Variants in RBMS3 observed in about 807,000 individuals in gnomAD.
The protein encoded by RBMS3 is RNA binding motif single stranded interacting protein 3, also known as RNA-binding motif, single-stranded-interacting protein 3.
A neutral mutation model predicts 66.8 loss-of-function variants in RBMS3; 27 were observed. That is an observed-to-expected ratio of 0.40 (90% confidence interval 0.30 to 0.56). The LOEUF is 0.56. Among genes scored for constraint, RBMS3 ranks in the 20% least tolerant of loss-of-function variants. The probability of loss-of-function intolerance (pLI) is 0.40; values close to 1 mark genes in which losing one functional copy is unlikely to be tolerated. For missense variants in RBMS3, 513 were observed against 549.5 expected, an observed-to-expected ratio of 0.93 and a Z score of 0.66; for synonymous variants, 188 against 183.0, an observed-to-expected ratio of 1.03 and a Z score of -0.22.
In RBMS3 at chr3:29,346,465, G is replaced by A. The variant is rs949670088; in HGVS notation, c.75+64709G>A. Among the ~76,000 whole-genome samples, 32 of 140,880 alleles carry A rather than the reference G, an allele frequency of 2.3e-4. No individual in the cohort carries two copies. The East Asian group carries it at 4.1e-3, about 18-fold the overall frequency. The allele number at this position is 140,880 out of a possible 152,430, so 92.4% of individuals were successfully genotyped here. A position where few individuals can be genotyped will look rare whatever the true frequency, so the allele number is the denominator to read the frequency against. ...GTCGCCCAGGCTGGAATGTAGTGGC[G>A]CGATCTCAGCTCACTGCAACCTCCG... On this transcript the variant is annotated intron_variant, in intron 1 of 14. Coordinates refer to ENST00000383767, the MANE Select transcript of RBMS3 (RefSeq NM_001003793.3).
rs1002984575 is a variant in RBMS3 at position 29,553,005 on chromosome 3, G to C, written c.308-34109G>C. Among the ~76,000 whole-genome samples the C allele has an allele frequency of 2.6e-5, 4 of 152,252 alleles. No homozygotes were observed. In the East Asian group the frequency reaches 5.8e-4, roughly 22 times the overall value. ...TAACTTACTACTCTAATCTCAGTTT[G>C]CAACCTGCGAATAGGCCTGATAGTG... is the stretch of plus-strand genomic sequence containing the variant. On this transcript the variant is annotated intron_variant, in intron 3 of 14. Transcript: ENST00000383767.
intron 1 of RBMS3, among the ~76,000 whole-genome samples, chr3:29,293,716 T>TG (rs1450932410): frequency 6.6e-6 from 1 of 151,660 alleles, no homozygotes; most frequent in Non-Finnish European, 1.5e-5. Context: ...GGCTAATATT[T>TG]TTTTTTTCTT....
chr3:29,721,369 A>T (rs951942166), intron 4 of RBMS3, among the ~76,000 whole-genome samples: 2 of 152,096 alleles, frequency 1.3e-5, no homozygotes, highest in African/African-American at 2.4e-5. Flanking sequence ...AACAACAGAG[A>T]TATAATATTA....
intron 10 of RBMS3, among the ~76,000 whole-genome samples, chr3:29,930,097 T>TTTTCTTTCTTTCTTTC (rs1187712918): frequency 1.3e-5 from 1 of 75,076 alleles, no homozygotes; most frequent in Non-Finnish European, 3.0e-5. Context: ...TTTGTGTCAC[T>TTTTCTTTCTTTCTTTC]TTTCTTTCTT....
chr3:29,471,185 C>T (rs983544203), intron 2 of RBMS3, among the ~76,000 whole-genome samples: 1 of 152,116 alleles, frequency 6.6e-6, no homozygotes, highest in Non-Finnish European at 1.5e-5. Context: ...GGAGTTATAA[C>T]TAATTTACAT....
At chr3:29,335,684 C>T (rs1195436668) in intron 1 of RBMS3, among the ~76,000 whole-genome samples, 1 of 152,186 alleles carries the variant, frequency 6.6e-6, no homozygotes, top group Non-Finnish European at 1.5e-5. Flanking sequence ...TCTGTCACGT[C>T]TGAAGTGTGA....
intron 1 of RBMS3, among the ~76,000 whole-genome samples, chr3:29,321,272 C>A (rs2034993667): frequency 6.6e-6 from 1 of 152,012 alleles, no homozygotes; most frequent in Non-Finnish European, 1.5e-5. Context: ...ATGAAAAAAA[C>A]TAATCATTTT....
chr3:29,634,559 G>C (rs1356419196), intron 4 of RBMS3, among the ~76,000 whole-genome samples: 6 of 151,808 alleles, frequency 4.0e-5, no homozygotes, highest in Non-Finnish European at 7.4e-5. Flanking sequence ...TTTAAGGCAG[G>C]TGTTCTATAC....
intron 2 of RBMS3, among the ~76,000 whole-genome samples, chr3:29,485,958 T>C (rs2043302512): frequency 1.3e-5 from 2 of 152,158 alleles, no homozygotes; most frequent in South Asian, 4.1e-4. Context: ...CCTGAAGGCA[T>C]ACTTTTTTAC....
At chr3:29,981,226 T>C (rs1222051177) in intron 12 of RBMS3, among the ~76,000 whole-genome samples, 1 of 152,216 alleles carries the variant, frequency 6.6e-6, no homozygotes, top group African/African-American at 2.4e-5. Flanking sequence ...ATGATTTGGC[T>C]CTCTGTCTAT....
intron 1 of RBMS3, among the ~76,000 whole-genome samples, chr3:29,356,556 C>G (rs2037233005): frequency 6.6e-6 from 1 of 151,280 alleles, no homozygotes; most frequent in African/African-American, 2.4e-5. Context: ...AATAAGCATT[C>G]ATGATTATCC....
At chr3:29,473,688 G>A (rs552217342) in intron 2 of RBMS3, among the ~76,000 whole-genome samples, 33 of 152,218 alleles carry the variant, frequency 2.2e-4, no homozygotes, top group Non-Finnish European at 4.6e-4. Flanking sequence ...CGAGTGCAGC[G>A]CCAGTGGGCC....
chr3:29,848,421 A>G (rs1293266682), intron 6 of RBMS3, among the ~76,000 whole-genome samples: 2 of 152,312 alleles, frequency 1.3e-5, no homozygotes, highest in East Asian at 1.9e-4. Flanking sequence ...TTATGTATAT[A>G]GTTATGATAT....
At chr3:29,917,354 T>C (rs945306927) in intron 10 of RBMS3, among the ~76,000 whole-genome samples, 1 of 152,092 alleles carries the variant, frequency 6.6e-6, no homozygotes, top group Non-Finnish European at 1.5e-5. Flanking sequence ...GACGCTTAGA[T>C]GTTCCAAAAG....
At chr3:29,992,266 A>AGTAATTGCGGTTTT (rs1577340079) in intron 14 of RBMS3, among the ~76,000 whole-genome samples, 2 of 152,258 alleles carry the variant, frequency 1.3e-5, no homozygotes, top group East Asian at 3.9e-4. Context: ...TTGGTACAAA[A>AGTAATTGCGGTTTT]GTAATTGCGG....
rs959136803 is a variant in RBMS3, at chr3:30,004,479, C to T, written c.*617C>T. ...TCAAGAAAGAATTGAAATACTGTGC[C>T]GGCTTTCACTGGCACAGAAGTTTAA... On this transcript the variant is annotated 3_prime_UTR_variant, in exon 15 of 15. Transcript: ENST00000383767. 9.9e-5 allele frequency: 15 copies of T among 151,986 alleles called. No individual in the cohort carries two copies. The highest frequency in any genetic ancestry group is 3.9e-4 in the East Asian group (2 of 5,170). 9.4% of individuals were successfully genotyped at this position (151,986 alleles called of 1,614,324 possible).
At chr3:29,918,451 AAGGTT>A (rs1309866703) in intron 10 of RBMS3, among the ~76,000 whole-genome samples, 1 of 152,134 alleles carries the variant, frequency 6.6e-6, no homozygotes, top group Non-Finnish European at 1.5e-5. Flanking sequence ...TTTGTGTCCT[AAGGTT>A]AGTTAAAACC....
At chr3:29,835,308 T>G (rs988243950) in intron 6 of RBMS3, among the ~76,000 whole-genome samples, 1 of 151,966 alleles carries the variant, frequency 6.6e-6, no homozygotes, top group East Asian at 1.9e-4. Context: ...TACAAAAGAC[T>G]CCATCCAAAA....
chr3:29,530,959 A>G (rs2045331777), intron 3 of RBMS3, among the ~76,000 whole-genome samples: 1 of 152,128 alleles, frequency 6.6e-6, no homozygotes, highest in African/African-American at 2.4e-5. Flanking sequence ...TGTCCCAAAA[A>G]TGGTGGGATC....
Sources: allele counts gnomAD v4.1 joint callset (sites outside exome capture counted in the v4.1 genomes callset), GRCh38; gene constraint gnomAD v4.1.1; transcripts MANE v1.5; gene names NCBI Gene and HGNC (gene_info 2026-07-23, HGNC 2026-07-21).